GDPD5: variants seen among roughly 807,000 people sequenced by gnomAD.
The protein encoded by GDPD5 is glycerophosphodiester phosphodiesterase domain containing 5, also known as glycerophosphodiester phosphodiesterase 2.
GDPD5 carries 48 observed loss-of-function variants against 75.1 expected under a neutral mutation model. The ratio of observed to expected loss-of-function variants is 0.64; its 90% confidence interval spans 0.51 to 0.81. The LOEUF (loss-of-function observed/expected upper bound fraction) is 0.81, where lower values mean the gene tolerates loss of function less well. Among genes scored for constraint, GDPD5 ranks in the 40% least tolerant of loss-of-function variants. The probability of loss-of-function intolerance (pLI) is 0.00; values close to 1 mark genes in which losing one functional copy is unlikely to be tolerated. For synonymous variants in GDPD5, 336 were observed against 339.0 expected, an observed-to-expected ratio of 0.99 and a Z score of 0.10; for missense variants, 706 against 822.6, an observed-to-expected ratio of 0.86 and a Z score of 1.73.
intron 6 of GDPD5, 80 bp from the exon 7 acceptor site, chr11:75,450,063 G>A: frequency 2.6e-6 from 3 of 1,138,292 alleles, no homozygotes; most frequent in South Asian, 1.3e-5. Flanking sequence ...GAGCCAGAGG[G>A]AGAGACAGAG....
intron 2 of GDPD5, among the ~76,000 whole-genome samples, chr11:75,483,415 C>T (rs1949960611): frequency 6.6e-6 from 1 of 152,170 alleles, no homozygotes; most frequent in South Asian, 2.1e-4. Context: ...GGCGTCCTGT[C>T]TCATCCTCAC....
intron 9 of GDPD5, among the ~76,000 whole-genome samples, chr11:75,445,992 T>C (rs553233358): frequency 3.9e-5 from 6 of 152,326 alleles, no homozygotes; most frequent in African/African-American, 1.2e-4. Context: ...GTTACCTGTC[T>C]CCCAGTCCAG....
chr11:75,477,579 G>T (rs368042636), intron 3 of GDPD5, 40 bp downstream of exon 3: 9 of 1,353,874 alleles, frequency 6.6e-6, no homozygotes, highest in Non-Finnish European at 7.1e-6. Context: ...GCTTGCTGGG[G>T]CTCACTGGGT....
At chr11:75,500,592 A>C (rs1042731201) in intron 1 of GDPD5, among the ~76,000 whole-genome samples, 2 of 151,496 alleles carry the variant, frequency 1.3e-5, no homozygotes, top group African/African-American at 4.9e-5. Context: ...AGTATCATCC[A>C]CCCCACGGTT....
chr11:75,494,092 G>C (rs576127331), intron 1 of GDPD5, among the ~76,000 whole-genome samples: 1 of 151,718 alleles, frequency 6.6e-6, no homozygotes, highest in African/African-American at 2.4e-5. Flanking sequence ...TTAAAAATCT[G>C]ATCTTCATTA....
Position 75,435,519 on chromosome 11 carries a change from C to G in GDPD5, c.1806G>C (p.Arg602=). The change falls in exon 17 of 17, where the codon CGG becomes CGC. Residue 602 remains arginine (R), a synonymous_variant. Transcript: ENST00000336898. The part of the protein sequence containing the change: ...GGSHTKTLIE[R]SGR ...GACATGTCTTCAGCTAACGCCCACTCCGCTCTATGAGGGTCTTGGTGTGGC... is the reference window on the plus strand; with the variant it reads ...GACATGTCTTCAGCTAACGCCCACTGCGCTCTATGAGGGTCTTGGTGTGGC... 1 of 1,607,724 alleles carries G rather than the reference C, an allele frequency of 6.2e-7. No homozygotes were observed. Among genetic ancestry groups the G allele is most frequent in the Non-Finnish European group, 8.5e-7 (1 of 1,177,182 alleles).
intron 2 of GDPD5, among the ~76,000 whole-genome samples, chr11:75,483,057 C>T (rs982762330): frequency 6.6e-6 from 1 of 152,236 alleles, no homozygotes. Context: ...CCATCCCTCA[C>T]CAGCCCATCC....
At chr11:75,505,989 G>A (rs950545788) in intron 1 of GDPD5, among the ~76,000 whole-genome samples, 8 of 152,120 alleles carry the variant, frequency 5.3e-5, no homozygotes, top group Non-Finnish European at 7.4e-5. Context: ...GGAATGGGGC[G>A]GGGCAGTCCT....
At chr11:75,445,997 G>C (rs1003941579) in intron 9 of GDPD5, among the ~76,000 whole-genome samples, 1 of 152,226 alleles carries the variant, frequency 6.6e-6, no homozygotes, top group Admixed American at 6.5e-5. Context: ...CTGTCTCCCA[G>C]TCCAGTGGGT....
chr11:75,443,286 G>C lies in GDPD5; in HGVS notation c.798C>G (p.Ser266Arg). The change falls in exon 11 of 17, where the codon AGC becomes AGG. Residue 266 changes from serine to arginine, a missense_variant and splice_region_variant. Ser to Arg is a moderately radical substitution (Grantham distance 110). Transcript: ENST00000336898. The part of the protein sequence containing the change: ...LYGLQADITI[S>R]LDGVPFLMHD... ...GCATGAGGAAGGGCACGCCGTCCAG[G>C]CTGCAGGGAGGGTGGGGCCACCGAG... is the stretch of plus-strand genomic sequence containing the variant. 6.2e-7 allele frequency: 1 copy of C among 1,605,850 alleles called. No individual in the cohort carries two copies. Among genetic ancestry groups the C allele is most frequent in the South Asian group, 1.1e-5 (1 of 89,178 alleles).
At chr11:75,472,876 C>T (rs930173345) in intron 3 of GDPD5, among the ~76,000 whole-genome samples, 4 of 151,970 alleles carry the variant, frequency 2.6e-5, no homozygotes, top group African/African-American at 9.7e-5. Context: ...GCTGTGGAAC[C>T]CCAGGGGAGT....
intron 2 of GDPD5, among the ~76,000 whole-genome samples, chr11:75,486,117 G>A (rs1950017637): frequency 6.6e-6 from 1 of 152,168 alleles, no homozygotes; most frequent in Admixed American, 6.5e-5. Context: ...ATCTCCAAGG[G>A]CCTTTCCAGC....
chr11:75,519,337 G>T (rs184358441), intron 1 of GDPD5, among the ~76,000 whole-genome samples: 1 of 152,166 alleles, frequency 6.6e-6, no homozygotes, highest in Non-Finnish European at 1.5e-5. Flanking sequence ...ACCCAGCGCC[G>T]GGCAACCCCA....
intron 9 of GDPD5, among the ~76,000 whole-genome samples, chr11:75,446,947 A>G (rs755740410): frequency 7.2e-5 from 11 of 152,070 alleles, no homozygotes; most frequent in Admixed American, 2.0e-4. Flanking sequence ...GCAATGGCGC[A>G]ATCTCGGCTC....
chr11:75,504,470 C>A (rs960452733), intron 1 of GDPD5, among the ~76,000 whole-genome samples: 1 of 152,228 alleles, frequency 6.6e-6, no homozygotes, highest in African/African-American at 2.4e-5. Flanking sequence ...TCTAGCCACA[C>A]AATGGAGCAG....
Position 75,525,473 on chromosome 11 carries a change from G to C in GDPD5, c.-408C>G, listed in dbSNP as rs565062650. ...TCTCGTGAAGCCAGAGGCTGGGGGG[G>C]TCCGGGGTCCCGTGCACCGGAGGCG... On this transcript the variant is annotated 5_prime_UTR_variant, in exon 1 of 17. Transcript: ENST00000336898. 3 of 152,610 alleles carry C rather than the reference G, an allele frequency of 2.0e-5. No individual in the cohort carries two copies. The highest frequency in any genetic ancestry group is 4.4e-5 in the Non-Finnish European group (3 of 68,264). 9.5% of individuals were successfully genotyped at this position (152,610 alleles called of 1,614,324 possible). A position where few individuals can be genotyped will look rare whatever the true frequency, so the allele number is the denominator to read the frequency against.
At chr11:75,490,542 A>T (rs553799191) in intron 1 of GDPD5, 1 of 152,502 alleles carries the variant, frequency 6.6e-6, no homozygotes, top group Non-Finnish European at 1.5e-5. Context: ...GAAACCCAGC[A>T]CATGCAATCC....
At chr11:75,448,396 G>T in intron 9 of GDPD5, 1 of 828,588 alleles carries the variant, frequency 1.2e-6, no homozygotes. Context: ...GGGGAACCAG[G>T]CAAAGAGATG....
At chr11:75,495,265 T>TCA (rs34243107) in intron 1 of GDPD5, among the ~76,000 whole-genome samples, 93,007 of 146,968 alleles carry the variant, frequency 0.63, 30,355 homozygotes, top group East Asian at 0.91. Flanking sequence ...TGTCACTCTG[T>TCA]CACACACACA....
Sources: gnomAD v4.1 joint callset for allele counts (sites outside exome capture counted in the v4.1 genomes callset) on GRCh38, gnomAD v4.1.1 for gene constraint, MANE v1.5 for transcripts, NCBI Gene and HGNC (gene_info 2026-07-23, HGNC 2026-07-21) for gene names.